MACF1: variants seen among roughly 807,000 people sequenced by gnomAD.
MACF1 encodes microtubule actin crosslinking factor 1.
A neutral mutation model predicts 854.8 loss-of-function variants in MACF1; 193 were observed. The observed-to-expected ratio is 0.23, with a 90% CI of 0.20 to 0.25. MACF1 has a LOEUF of 0.25. Ranked by LOEUF, MACF1 falls within the 10% of genes least tolerant of loss-of-function variation. The pLI is 1.00. For missense variants in MACF1, 7,722 were observed against 8,929.1 expected, an observed-to-expected ratio of 0.86 and a Z score of 5.45; for synonymous variants, 3,185 against 3,226.7, an observed-to-expected ratio of 0.99 and a Z score of 0.44.
intron 40 of MACF1, among the ~76,000 whole-genome samples, chr1:39,343,659 T>C (rs762886678): frequency 1.7e-4 from 26 of 152,318 alleles, no homozygotes; most frequent in Non-Finnish European, 3.1e-4. Context: ...TAAATTATCA[T>C]GTTCACAGAG....
intron 6 of MACF1, among the ~76,000 whole-genome samples, chr1:39,277,589 A>C (rs569004035): frequency 6.6e-6 from 1 of 152,266 alleles, no homozygotes; most frequent in Non-Finnish European, 1.5e-5. Context: ...GCATGTCTCA[A>C]CTAAGTTCTT....
chr1:39,196,182 A>G, intron 2 of MACF1, among the ~76,000 whole-genome samples: 1 of 152,232 alleles, frequency 6.6e-6, no homozygotes, highest in African/African-American at 2.4e-5. Context: ...AATGTGATGT[A>G]TACATAGTAG....
chr1:39,359,071 A>G lies in MACF1; in HGVS notation c.12121-70A>G, dbSNP rs1472531270. 22 of 1,575,030 alleles carry G rather than the reference A, an allele frequency of 1.4e-5. No individual in the cohort carries two copies. The East Asian group carries it at 4.5e-4, about 32-fold the overall frequency. Reference sequence around the variant, plus strand: ...CAATTATTCTGTAAAGCTGTTCAGTAGCTCCGGATTCCTAGAATCATCTTT... The same window carrying G: ...CAATTATTCTGTAAAGCTGTTCAGTGGCTCCGGATTCCTAGAATCATCTTT... On this transcript the variant is annotated intron_variant, in intron 46 of 100. Coordinates refer to ENST00000564288, the MANE Select transcript of MACF1 (RefSeq NM_001394062.1).
chr1:39,419,240 A>G (rs1193898764), intron 58 of MACF1, among the ~76,000 whole-genome samples: 2 of 152,264 alleles, frequency 1.3e-5, no homozygotes, highest in Non-Finnish European at 2.9e-5. Flanking sequence ...GAAATGATAC[A>G]AATACCCATT....
chr1:39,160,945 T>G (rs1254425041), intron 2 of MACF1, among the ~76,000 whole-genome samples: 1 of 152,228 alleles, frequency 6.6e-6, no homozygotes, highest in East Asian at 1.9e-4. Context: ...TGACTGTTGC[T>G]TTTCTTGGCA....
At chr1:39,196,131 T>C (rs186801789) in intron 2 of MACF1, among the ~76,000 whole-genome samples, 130 of 152,278 alleles carry the variant, frequency 8.5e-4, no homozygotes, top group African/African-American at 2.9e-3. Context: ...GATGAGGAAA[T>C]TGAGGTTCCA....
intron 89 of MACF1, among the ~76,000 whole-genome samples, chr1:39,455,768 G>T (rs1237845823): frequency 6.6e-6 from 1 of 152,204 alleles, no homozygotes; most frequent in Non-Finnish European, 1.5e-5. Context: ...CCAGTGGTCA[G>T]TGAAGGTGCA....
At chr1:39,476,177 A>G (rs1399848851) in intron 97 of MACF1, among the ~76,000 whole-genome samples, 1 of 152,236 alleles carries the variant, frequency 6.6e-6, no homozygotes, top group African/African-American at 2.4e-5. Context: ...ACATTTTGGA[A>G]TCAGCTGGCA....
At chr1:39,408,623 C>G (rs1642811699) in intron 58 of MACF1, among the ~76,000 whole-genome samples, 1 of 152,038 alleles carries the variant, frequency 6.6e-6, no homozygotes, top group Non-Finnish European at 1.5e-5. Flanking sequence ...CGGAGCCGGG[C>G]CGGTTGGAGC....
chr1:39,249,041 C>T (rs904779934), intron 2 of MACF1, among the ~76,000 whole-genome samples: 1 of 152,198 alleles, frequency 6.6e-6, no homozygotes, highest in African/African-American at 2.4e-5. Flanking sequence ...GCCACTGCAC[C>T]TGGCAATGAG....
chr1:39,231,384 TC>T, intron 2 of MACF1, 141 bp downstream of exon 2: 1 of 760,456 alleles, frequency 1.3e-6, no homozygotes, highest in Non-Finnish European at 2.2e-6. Context: ...TCTTTTCTCT[TC>T]TTTTCTTTTT....
In MACF1 at chr1:39,341,325, C is replaced by T. The variant is rs541182307; in HGVS notation, c.10581+372C>T. ...CTGGGATTATAGGTGTGAGCCACCA[C>T]ACCCGGCCATTTATCTTTCTTAGAA... On this transcript the variant is annotated intron_variant, in intron 40 of 100. Coordinates refer to ENST00000564288, the MANE Select transcript of MACF1 (RefSeq NM_001394062.1). Among the ~76,000 whole-genome samples the T allele has an allele frequency of 1.2e-4, 18 of 151,800 alleles. No individual in the cohort carries two copies. In the East Asian group the frequency reaches 2.2e-3, roughly 18 times the overall value.
Position 39,370,102 on chromosome 1 carries a change from G to T in MACF1, c.13011G>T (p.Trp4337Cys), listed in dbSNP as rs778656024. The T allele has an allele frequency of 1.2e-6, 2 of 1,614,136 alleles. No homozygotes were observed. The highest frequency in any genetic ancestry group is 2.2e-5 in the South Asian group (2 of 91,074). The change falls in exon 51 of 101, where the codon TGG becomes TGT. Residue 4337 changes from tryptophan (W) to cysteine (C), a missense_variant. Transcript: ENST00000564288. ...AGCTGGTCAGGACCTTCCAGAAATG[G>T]TTGAAAGAAACTGAAGGGAGTATTC... ...FRKLVRTFQK[W>C]LKETEGSIPP...
Position 39,434,643 on chromosome 1 carries a change from T to C in MACF1, c.17784+11T>C, listed in dbSNP as rs1311135136. The C allele has an allele frequency of 6.2e-7, 1 of 1,610,852 alleles. No homozygotes were observed. Among genetic ancestry groups the C allele is most frequent in the South Asian group, 1.1e-5 (1 of 90,904 alleles). ...CAAGAGGAAATGAGGGTAAGGAGCA[T>C]GCCAAGTTTCATTTTATTGTTCTAA... On this transcript the variant is annotated intron_variant, in intron 69 of 100. Transcript: ENST00000564288.
intron 6 of MACF1, among the ~76,000 whole-genome samples, chr1:39,262,484 T>G: frequency 6.6e-6 from 1 of 151,602 alleles, no homozygotes; most frequent in East Asian, 1.9e-4. Context: ...TCTTATTGTT[T>G]AGGAGAGTGA....
intron 2 of MACF1, among the ~76,000 whole-genome samples, chr1:39,180,008 CTG>C (rs1287040522): frequency 6.6e-6 from 1 of 151,664 alleles, no homozygotes; most frequent in Admixed American, 6.6e-5. Context: ...GAGCAAGACT[CTG>C]TTTCAAAAAT....
chr1:39,444,292 T>C (rs1328387289), intron 79 of MACF1, among the ~76,000 whole-genome samples: 1 of 151,940 alleles, frequency 6.6e-6, no homozygotes, highest in Non-Finnish European at 1.5e-5. Flanking sequence ...CCGAGATCAC[T>C]GCCACTGCAC....
chr1:39,436,128 C>G (rs544710440), intron 70 of MACF1: 1 of 400,502 alleles, frequency 2.5e-6, no homozygotes. Context: ...TTTAGAGCAA[C>G]AGCACATTAG....
At chr1:39,112,788 A>G (rs1020752780) in intron 2 of MACF1, among the ~76,000 whole-genome samples, 6 of 152,164 alleles carry the variant, frequency 3.9e-5, no homozygotes, top group Non-Finnish European at 8.8e-5. Flanking sequence ...TCTAAACTTA[A>G]TTCCCTGTAC....
Sources: allele counts gnomAD v4.1 joint callset (sites outside exome capture counted in the v4.1 genomes callset), GRCh38; gene constraint gnomAD v4.1.1; transcripts MANE v1.5; gene names NCBI Gene and HGNC (gene_info 2026-07-23, HGNC 2026-07-21).